DGKB: variants seen among roughly 807,000 people sequenced by gnomAD.
DGKB encodes the protein 90 kDa diacylglycerol kinase.
Under a neutral mutation model 114.3 loss-of-function variants are expected in DGKB, and 67 were observed. The ratio of observed to expected loss-of-function variants is 0.59; its 90% CI spans 0.48 to 0.72. The LOEUF (loss-of-function observed/expected upper bound fraction) is 0.72, where lower values mean the gene tolerates loss of function less well. Among genes scored for constraint, DGKB ranks in the 30% least tolerant of loss-of-function variants. The pLI is 0.00. For missense variants in DGKB, 907 were observed against 975.2 expected (o/e 0.93, Z 0.93); for synonymous variants, 398 against 323.1 (o/e 1.23, Z -2.49).
chr7:14,334,048 G>A (rs1810213460), intron 23 of DGKB, among the ~76,000 whole-genome samples: 1 of 152,126 alleles, frequency 6.6e-6, no homozygotes, highest in African/African-American at 2.4e-5. Flanking sequence ...TTAATTAACT[G>A]ATACAATTTC....
intron 13 of DGKB, among the ~76,000 whole-genome samples, chr7:14,669,778 G>A (rs1232520912): frequency 1.3e-5 from 2 of 152,070 alleles, no homozygotes; most frequent in East Asian, 3.9e-4. Flanking sequence ...CAAACAACTT[G>A]TACTAAAGTG....
chr7:14,914,409 TAAG>T (rs1314431301), intron 1 of DGKB, among the ~76,000 whole-genome samples: 1 of 152,150 alleles, frequency 6.6e-6, no homozygotes, highest in Non-Finnish European at 1.5e-5. Flanking sequence ...AGACTCTAAC[TAAG>T]AAGAAGTTCT....
chr7:14,662,353 T>G (rs1296629037), intron 13 of DGKB, among the ~76,000 whole-genome samples: 1 of 152,116 alleles, frequency 6.6e-6, no homozygotes, highest in East Asian at 1.9e-4. Context: ...ACAAATGTTC[T>G]GTTTTAGGAA....
At chr7:14,428,051 A>G (rs891133466) in intron 21 of DGKB, among the ~76,000 whole-genome samples, 1 of 152,068 alleles carries the variant, frequency 6.6e-6, no homozygotes, top group African/African-American at 2.4e-5. Flanking sequence ...CAATATTGAA[A>G]ATTTTATTGA....
At chr7:14,382,619 G>C (rs1023189739) in intron 21 of DGKB, among the ~76,000 whole-genome samples, 1 of 152,148 alleles carries the variant, frequency 6.6e-6, no homozygotes, top group East Asian at 1.9e-4. Context: ...TTAAGGGTCA[G>C]AATAGCAACT....
chr7:14,739,655 G>C (rs933936451), intron 4 of DGKB, among the ~76,000 whole-genome samples: 4 of 152,110 alleles, frequency 2.6e-5, no homozygotes, highest in Admixed American at 2.6e-4. Context: ...GGAAGAGCGA[G>C]TAAAATGCGA....
intron 23 of DGKB, among the ~76,000 whole-genome samples, chr7:14,267,727 G>A (rs1475582757): frequency 6.6e-6 from 1 of 152,052 alleles, no homozygotes; most frequent in Admixed American, 6.6e-5. Context: ...CTGACCTCGT[G>A]ATCCACCCAC....
intron 1 of DGKB, among the ~76,000 whole-genome samples, chr7:14,921,363 C>T (rs10276360): frequency 0.36 from 55,093 of 151,936 alleles, 12,150 homozygotes; most frequent in East Asian, 0.92. Context: ...TTCGGAACTA[C>T]TTGCTTAATT....
At chr7:14,178,298 C>T (rs1347727437) in intron 23 of DGKB, 147 bp from the exon 24 acceptor site, 1 of 822,758 alleles carries the variant, frequency 1.2e-6, no homozygotes, top group Non-Finnish European at 1.8e-6. Flanking sequence ...AAAAAGATGG[C>T]CTACTTTTAT....
intron 1 of DGKB, among the ~76,000 whole-genome samples, chr7:14,970,242 C>T (rs1485573900): frequency 2.6e-5 from 4 of 152,048 alleles, no homozygotes; most frequent in Non-Finnish European, 5.9e-5. Flanking sequence ...GAACTATCAC[C>T]ATCACATGCC....
At chr7:14,359,123 T>A (rs762824841) in intron 21 of DGKB, among the ~76,000 whole-genome samples, 2 of 152,026 alleles carry the variant, frequency 1.3e-5, no homozygotes, top group Non-Finnish European at 2.9e-5. Flanking sequence ...TATATGTATA[T>A]AGAACAACGG....
chr7:14,394,290 T>C lies in DGKB; in HGVS notation c.1836-48899A>G, dbSNP rs561782247. On this transcript the variant is annotated intron_variant, in intron 21 of 25. Transcript: ENST00000402815. Reference sequence around the variant, plus strand: ...CTATTAGAGTTATACTAAATTGTTCTCTGCTTAATTGCATCTCATTTTTCC... The same window carrying C: ...CTATTAGAGTTATACTAAATTGTTCCCTGCTTAATTGCATCTCATTTTTCC... Among the ~76,000 whole-genome samples the C allele has an allele frequency of 2.0e-5, 3 of 152,342 alleles. No individual in the cohort carries two copies. The South Asian group carries it at 6.2e-4, about 32-fold the overall frequency.
chr7:14,531,278 C>T (rs1437924203), intron 20 of DGKB, among the ~76,000 whole-genome samples: 2 of 151,252 alleles, frequency 1.3e-5, no homozygotes. Flanking sequence ...TCTTTGAAGA[C>T]AAAAATGATC....
chr7:14,330,148 A>T (rs564780818), intron 23 of DGKB, among the ~76,000 whole-genome samples: 1 of 152,164 alleles, frequency 6.6e-6, no homozygotes, highest in African/African-American at 2.4e-5. Context: ...TTTTGAAAAT[A>T]AACAATGTAT....
At chr7:14,465,756 G>A (rs1833737595) in intron 21 of DGKB, among the ~76,000 whole-genome samples, 1 of 152,066 alleles carries the variant, frequency 6.6e-6, no homozygotes, top group African/African-American at 2.4e-5. Context: ...ATATCTGGGG[G>A]AAAGAAGAGG....
chr7:14,967,697 A>G (rs1787240581), intron 1 of DGKB, among the ~76,000 whole-genome samples: 1 of 151,918 alleles, frequency 6.6e-6, no homozygotes, highest in Non-Finnish European at 1.5e-5. Flanking sequence ...TTAAAAACAA[A>G]ACTTTATTTT....
At chr7:14,926,234 A>G (rs942766390) in intron 1 of DGKB, among the ~76,000 whole-genome samples, 2 of 151,896 alleles carry the variant, frequency 1.3e-5, no homozygotes, top group African/African-American at 4.8e-5. Context: ...CTGCTTTTTG[A>G]AGGAAATTAT....
chr7:14,503,640 T>G (rs1223043875), intron 20 of DGKB, among the ~76,000 whole-genome samples: 2 of 152,154 alleles, frequency 1.3e-5, no homozygotes, highest in Non-Finnish European at 2.9e-5. Flanking sequence ...CGAGATTTAT[T>G]CTATGGGTCT....
chr7:14,233,462 C>G (rs1481654920), intron 23 of DGKB, among the ~76,000 whole-genome samples: 8 of 151,986 alleles, frequency 5.3e-5, no homozygotes, highest in Admixed American at 4.6e-4. Flanking sequence ...TGCTATCTTG[C>G]AAGCGTAAAG....
Sources: allele counts gnomAD v4.1 joint callset (sites outside exome capture counted in the v4.1 genomes callset), GRCh38; gene constraint gnomAD v4.1.1; transcripts MANE v1.5; gene names NCBI Gene and HGNC (gene_info 2026-07-23, HGNC 2026-07-21).